CCDC73: variants seen among roughly 807,000 people sequenced by gnomAD.
CCDC73 encodes the protein coiled-coil domain-containing protein 73.
A neutral mutation model predicts 116.5 loss-of-function variants in CCDC73; 95 were observed. The observed-to-expected ratio is 0.82, with a 90% CI of 0.69 to 0.97. The LOEUF is 0.97. CCDC73 is among the 50% of genes least tolerant of loss of function. The pLI is 0.00. For synonymous variants in CCDC73, 398 were observed against 401.3 expected, an observed-to-expected ratio of 0.99 and a Z score of 0.10; for missense variants, 1,066 against 1,206.8, an observed-to-expected ratio of 0.88 and a Z score of 1.73.
At chr11:32,630,954 C>A (rs774609678) in intron 14 of CCDC73, among the ~76,000 whole-genome samples, 1 of 151,928 alleles carries the variant, frequency 6.6e-6, no homozygotes, top group African/African-American at 2.4e-5. Flanking sequence ...CACCTTAAGA[C>A]AAGAGATATT....
At chr11:32,655,103 C>G in intron 9 of CCDC73, 131 bp from the exon 10 acceptor site, 1 of 87,386 alleles carries the variant, frequency 1.1e-5, no homozygotes, top group East Asian at 4.6e-5. Flanking sequence ...TGCAAGTTCC[C>G]TTGCAAGATT....
At chr11:32,617,458 C>T (rs953520079) in intron 14 of CCDC73, among the ~76,000 whole-genome samples, 1 of 152,170 alleles carries the variant, frequency 6.6e-6, no homozygotes. Flanking sequence ...ACCCACCAAA[C>T]TAATTTCCAT....
At chr11:32,740,517 C>T (rs899669836) in intron 2 of CCDC73, among the ~76,000 whole-genome samples, 1 of 152,016 alleles carries the variant, frequency 6.6e-6, no homozygotes. Context: ...CTTCAAATTT[C>T]TGCAGTATCA....
chr11:32,729,952 T>C (rs11031953), intron 2 of CCDC73, among the ~76,000 whole-genome samples: 41,298 of 152,114 alleles, frequency 0.27, 5,919 homozygotes, highest in South Asian at 0.35. Flanking sequence ...TTTCTTTTTG[T>C]CTTTAGCCTT....
At chr11:32,620,420 T>A (rs1158752084) in intron 14 of CCDC73, among the ~76,000 whole-genome samples, 1 of 151,912 alleles carries the variant, frequency 6.6e-6, no homozygotes, top group East Asian at 1.9e-4. Flanking sequence ...ATCACCTGGC[T>A]AACAAGGTGA....
At chr11:32,626,910 A>G (rs1855579316) in intron 14 of CCDC73, among the ~76,000 whole-genome samples, 1 of 152,366 alleles carries the variant, frequency 6.6e-6, no homozygotes, top group East Asian at 1.9e-4. Context: ...GGACATAGGC[A>G]TGGGCAAGGA....
intron 2 of CCDC73, among the ~76,000 whole-genome samples, chr11:32,734,435 T>C (rs530201987): frequency 0.024 from 3,697 of 151,276 alleles, 146 homozygotes; most frequent in African/African-American, 0.082. Flanking sequence ...CTTTTTTTTT[T>C]TTTTTTTTAT....
intron 9 of CCDC73, among the ~76,000 whole-genome samples, chr11:32,664,899 C>T (rs191440027): frequency 7.9e-5 from 12 of 152,268 alleles, no homozygotes; most frequent in Admixed American, 6.5e-4. Flanking sequence ...TCATGTCTGC[C>T]TTCATTTCAT....
chr11:32,700,798 T>TC lies in CCDC73; in HGVS notation c.307dup (p.Glu103GlyfsTer31). On this transcript the variant is annotated frameshift_variant, in exon 5 of 18. Transcript: ENST00000335185. LOFTEE classifies it high-confidence loss of function. The stretch of plus-strand genomic sequence containing the variant: ...TAAAAAAATTATAAATACCTTTTCT[T>TC]CTTCCAGGGCACACATCTTCATCTG... The TC allele has an allele frequency of 7.0e-7, 1 of 1,425,660 alleles. No homozygotes were observed. The highest frequency in any genetic ancestry group is 1.4e-5 in the South Asian group (1 of 73,104). The allele number at this position is 1,425,660 out of a possible 1,614,324, so 88.3% of individuals were successfully genotyped here.
At chr11:32,718,023 A>G in intron 3 of CCDC73, 53 bp downstream of exon 3, 1 of 1,273,336 alleles carries the variant, frequency 7.9e-7, no homozygotes, top group African/African-American at 1.5e-5. Flanking sequence ...TACGGGGATT[A>G]CAATTCAAGA....
chr11:32,681,088 A>C (rs1856138866), intron 7 of CCDC73: 1 of 151,998 alleles, frequency 6.6e-6, no homozygotes, highest in Admixed American at 6.6e-5. Context: ...TAATCTATCA[A>C]AACTTTCAAT....
chr11:32,634,535 C>A (rs969724871), intron 14 of CCDC73, among the ~76,000 whole-genome samples: 1 of 151,976 alleles, frequency 6.6e-6, no homozygotes, highest in African/African-American at 2.4e-5. Context: ...AGAGTATAAA[C>A]AAAAACATAT....
chr11:32,814,860 G>GTAC, the CCDC73 span, among the ~76,000 whole-genome samples: 3 of 152,188 alleles, frequency 2.0e-5, no homozygotes, highest in Non-Finnish European at 4.4e-5. Flanking sequence ...AAGGAATGAA[G>GTAC]TACCGATGCA....
intron 2 of CCDC73, among the ~76,000 whole-genome samples, chr11:32,721,006 G>T (rs1398299910): frequency 2.0e-5 from 3 of 152,056 alleles, no homozygotes; most frequent in African/African-American, 7.2e-5. Context: ...TAAACTCTTT[G>T]TAATGATACT....
intron 2 of CCDC73, among the ~76,000 whole-genome samples, chr11:32,745,533 C>G (rs1850228278): frequency 6.6e-6 from 1 of 152,114 alleles, no homozygotes; most frequent in South Asian, 2.1e-4. Flanking sequence ...GTGTGGGAGT[C>G]TAAGTCTCTT....
intron 9 of CCDC73, among the ~76,000 whole-genome samples, chr11:32,664,333 T>A (rs1396618204): frequency 6.6e-6 from 1 of 152,220 alleles, no homozygotes; most frequent in Non-Finnish European, 1.5e-5. Context: ...GTTGGTAGGC[T>A]ATTAATTACT....
In CCDC73 at chr11:32,776,850, T is replaced by A. The variant is rs117641602; in HGVS notation, c.-15-16592A>T. Among the ~76,000 whole-genome samples the A allele has an allele frequency of 7.1e-3, 1,068 of 149,912 alleles. 9 individuals are homozygous for A. Among genetic ancestry groups the A allele is most frequent in the South Asian group, 0.028 (131 of 4,758 alleles). ...CAACCCCTTACCTAACAAAGCAATT[T>A]CCCTTATATTTTTCCTTTGATCCTC... On this transcript the variant is annotated intron_variant, in intron 1 of 17. Transcript: ENST00000335185.
chr11:32,690,830 T>C (rs1856250464), intron 6 of CCDC73, among the ~76,000 whole-genome samples: 1 of 152,244 alleles, frequency 6.6e-6, no homozygotes, highest in East Asian at 1.9e-4. Context: ...CTAATACAGG[T>C]ACATTTGTTA....
chr11:32,652,332 CA>C (rs1423731048), intron 12 of CCDC73, among the ~76,000 whole-genome samples: 3 of 119,844 alleles, frequency 2.5e-5, no homozygotes, highest in African/African-American at 1.1e-4. Flanking sequence ...GAAAGAAAAA[CA>C]AAACAAAACA....
Sources: gnomAD v4.1 joint callset for allele counts (sites outside exome capture counted in the v4.1 genomes callset) on GRCh38, gnomAD v4.1.1 for gene constraint, MANE v1.5 for transcripts, NCBI Gene and HGNC (gene_info 2026-07-23, HGNC 2026-07-21) for gene names.